FHIT: variants seen among roughly 807,000 people sequenced by gnomAD.
The protein encoded by FHIT is bis(5'-adenosyl)-triphosphatase.
In FHIT, 19 loss-of-function variants were observed where a neutral mutation model predicts 17.9. That is an observed-to-expected ratio of 1.06 (90% CI 0.74 to 1.56). The LOEUF is 1.56. FHIT is among the 40% of genes most tolerant of loss of function. The pLI, the probability that FHIT is intolerant of heterozygous loss-of-function variation, is 0.00. For missense variants in FHIT, 248 were observed against 189.2 expected (o/e 1.31, Z -1.82); for synonymous variants, 81 against 69.7 (o/e 1.16, Z -0.81).
chr3:60,875,045 G>C (rs1704584059), intron 3 of FHIT, among the ~76,000 whole-genome samples: 1 of 152,150 alleles, frequency 6.6e-6, no homozygotes, highest in Admixed American at 6.6e-5. Context: ...GGCAACAGTA[G>C]ATGCTCAGCA....
At chr3:60,241,232 A>C (rs1705114413) in intron 5 of FHIT, among the ~76,000 whole-genome samples, 1 of 152,140 alleles carries the variant, frequency 6.6e-6, no homozygotes, top group Admixed American at 6.5e-5. Context: ...GACAGTACCA[A>C]GGGAATTATC....
At chr3:60,759,967 C>A (rs187312848) in intron 4 of FHIT, among the ~76,000 whole-genome samples, 2 of 151,430 alleles carry the variant, frequency 1.3e-5, no homozygotes, top group East Asian at 3.9e-4. Context: ...TCCTGCTTGC[C>A]TTTCTCCCTT....
intron 5 of FHIT, among the ~76,000 whole-genome samples, chr3:60,150,546 C>T (rs1700420687): frequency 6.6e-6 from 1 of 152,116 alleles, no homozygotes; most frequent in Non-Finnish European, 1.5e-5. Context: ...GACTTGCATT[C>T]TTTAGTCTCA....
intron 5 of FHIT, among the ~76,000 whole-genome samples, chr3:60,239,878 C>T (rs1455851355): frequency 6.6e-6 from 1 of 152,112 alleles, no homozygotes; most frequent in Non-Finnish European, 1.5e-5. Flanking sequence ...GAAGTTGAGA[C>T]CTTGGTTCTC....
intron 2 of FHIT, among the ~76,000 whole-genome samples, chr3:61,044,208 C>G (rs2033669908): frequency 6.6e-6 from 1 of 152,054 alleles, no homozygotes; most frequent in South Asian, 2.1e-4. Context: ...ATGTTCGAAC[C>G]CATCACAAAG....
intron 4 of FHIT, among the ~76,000 whole-genome samples, chr3:60,791,094 G>A (rs1274261279): frequency 2.0e-5 from 3 of 152,074 alleles, no homozygotes; most frequent in Non-Finnish European, 4.4e-5. Flanking sequence ...TGGCCATTTG[G>A]TTTAGGAGTG....
At chr3:60,324,970 T>C (rs1486482024) in intron 5 of FHIT, among the ~76,000 whole-genome samples, 7 of 152,206 alleles carry the variant, frequency 4.6e-5, no homozygotes, top group Admixed American at 6.5e-5. Flanking sequence ...ATGAGCATTC[T>C]AGATATTTCT....
At chr3:60,079,563 T>C (rs2107031493) in intron 5 of FHIT, among the ~76,000 whole-genome samples, 1 of 152,146 alleles carries the variant, frequency 6.6e-6, no homozygotes, top group African/African-American at 2.4e-5. Context: ...CCTCTCTCCT[T>C]TTTGCTTCCA....
chr3:60,170,592 AT>A (rs370205876), intron 5 of FHIT, among the ~76,000 whole-genome samples: 13 of 152,224 alleles, frequency 8.5e-5, no homozygotes, highest in South Asian at 4.1e-4. Context: ...TTGTTCAATA[AT>A]TTTTTTAATG....
intron 3 of FHIT, among the ~76,000 whole-genome samples, chr3:60,889,378 T>G (rs1448113681): frequency 2.6e-5 from 4 of 152,252 alleles, no homozygotes; most frequent in African/African-American, 9.6e-5. Context: ...AGAAGTAACT[T>G]GCCTTGCTGA....
At chr3:61,202,902 C>T (rs1032572740) in intron 1 of FHIT, among the ~76,000 whole-genome samples, 2 of 151,946 alleles carry the variant, frequency 1.3e-5, no homozygotes, top group South Asian at 2.1e-4. Context: ...AAATACAGGC[C>T]GGGCGCGGTG....
At chr3:60,691,039 A>C (rs1577073498) in intron 4 of FHIT, among the ~76,000 whole-genome samples, 1 of 152,130 alleles carries the variant, frequency 6.6e-6, no homozygotes, top group South Asian at 2.1e-4. Flanking sequence ...TTTATTCTTT[A>C]AAAAATTACC....
intron 5 of FHIT, among the ~76,000 whole-genome samples, chr3:60,277,554 C>T (rs1048293248): frequency 6.6e-6 from 1 of 152,134 alleles, no homozygotes; most frequent in Admixed American, 6.5e-5. Flanking sequence ...TGGGAGAAGT[C>T]GCCATTTGCT....
intron 5 of FHIT, among the ~76,000 whole-genome samples, chr3:60,396,574 T>C (rs929042316): frequency 3.9e-5 from 6 of 152,148 alleles, no homozygotes; most frequent in African/African-American, 1.4e-4. Context: ...ATTCCATTTA[T>C]ATGAAATACC....
chr3:59,981,224 T>C (rs943214770), intron 7 of FHIT, among the ~76,000 whole-genome samples: 1 of 152,200 alleles, frequency 6.6e-6, no homozygotes, highest in Non-Finnish European at 1.5e-5. Flanking sequence ...CTTTAGATTA[T>C]TCCTGAATCC....
At chr3:60,040,143 T>C (rs1020520454) in intron 5 of FHIT, among the ~76,000 whole-genome samples, 1 of 120,976 alleles carries the variant, frequency 8.3e-6, no homozygotes, top group African/African-American at 2.6e-5. Context: ...TTCTTTCTTT[T>C]TATTTATTTA....
chr3:60,787,015 A>AC (rs1418339256), intron 4 of FHIT, among the ~76,000 whole-genome samples: 2 of 151,640 alleles, frequency 1.3e-5, no homozygotes, highest in Non-Finnish European at 2.9e-5. Flanking sequence ...AAAAAAAAAA[A>AC]AACAAAACAG....
chr3:60,776,091 G>C (rs1700209383), intron 4 of FHIT, among the ~76,000 whole-genome samples: 1 of 152,168 alleles, frequency 6.6e-6, no homozygotes, highest in Non-Finnish European at 1.5e-5. Flanking sequence ...ACAACTGTCA[G>C]TGTATTCTCT....
chr3:60,222,034 C>G (rs1703984750), intron 5 of FHIT, among the ~76,000 whole-genome samples: 1 of 152,104 alleles, frequency 6.6e-6, no homozygotes, highest in Admixed American at 6.5e-5. Context: ...GTACGTGGAA[C>G]AGATACTGGT....
Sources: allele counts gnomAD v4.1 joint callset (sites outside exome capture counted in the v4.1 genomes callset), GRCh38; gene constraint gnomAD v4.1.1; transcripts MANE v1.5; gene names NCBI Gene and HGNC (gene_info 2026-07-23, HGNC 2026-07-21).